GSTA2: variants seen among roughly 807,000 people sequenced by gnomAD.
GSTA2 encodes the protein glutathione S-transferase A2.
Under a neutral mutation model 22.4 loss-of-function variants are expected in GSTA2, and 27 were observed. The observed-to-expected ratio is 1.21, with a 90% CI of 0.89 to 1.67. The LOEUF is 1.67. Ranked by LOEUF, GSTA2 falls within the 40% of genes most tolerant of loss-of-function variation. The pLI is 0.00. For synonymous variants in GSTA2, 121 were observed against 86.8 expected, an observed-to-expected ratio of 1.39 and a Z score of -2.19; for missense variants, 302 against 260.2, an observed-to-expected ratio of 1.16 and a Z score of -1.11.
intron 6 of GSTA2, among the ~76,000 whole-genome samples, chr6:52,751,222 C>T (rs941072751): frequency 6.6e-6 from 1 of 152,096 alleles, no homozygotes; most frequent in Non-Finnish European, 1.5e-5. Flanking sequence ...ATGGAAAGGG[C>T]TCTGCTCAGA....
chr6:52,750,507 T>C lies in GSTA2; in HGVS notation c.*70A>G. The C allele has an allele frequency of 1.3e-6, 2 of 1,485,464 alleles. No homozygotes were observed. The highest frequency in any genetic ancestry group is 1.9e-6 in the Non-Finnish European group (2 of 1,072,548). The allele number at this position is 1,485,464 out of a possible 1,614,324, so 92.0% of individuals were successfully genotyped here. A position where few individuals can be genotyped will look rare whatever the true frequency, so the allele number is the denominator to read the frequency against. Reference sequence around the variant, plus strand: ...ACAACAGGCACAATCAACACTTAGGTAAAGCACTTAATTGTTGCAAAACTT... The same window carrying C: ...ACAACAGGCACAATCAACACTTAGGCAAAGCACTTAATTGTTGCAAAACTT... On this transcript the variant is annotated 3_prime_UTR_variant, in exon 7 of 7. Coordinates refer to ENST00000493422, the MANE Select transcript of GSTA2 (RefSeq NM_000846.5).
At chr6:52,759,950 A>T (rs868079020) in intron 1 of GSTA2, among the ~76,000 whole-genome samples, 1 of 152,198 alleles carries the variant, frequency 6.6e-6, no homozygotes, top group Non-Finnish European at 1.5e-5. Context: ...TTAAATGTCT[A>T]CATTTTAAAA....
intron 1 of GSTA2, among the ~76,000 whole-genome samples, chr6:52,759,391 A>G (rs1762908346): frequency 1.3e-5 from 2 of 152,120 alleles, no homozygotes; most frequent in South Asian, 4.2e-4. Context: ...GAATGGAAAG[A>G]CACAGGACTC....
Position 52,752,983 on chromosome 6 carries a change from A to G in GSTA2, c.285T>C (p.Tyr95=), listed in dbSNP as rs1168289007. The change falls in exon 5 of 7, where the codon TAT becomes TAC. Residue 95 remains tyrosine (Y), a synonymous_variant. Transcript: ENST00000493422. ...CACCCAAATCTGCTATACCTTCTAT[A>G]TACATATCAATCCTGAAAGACAAAA... The part of the protein sequence containing the change: ...DIKEKALIDM[Y]IEGIADLGEM... 1 of 1,603,072 alleles carries G rather than the reference A, an allele frequency of 6.2e-7. No individual in the cohort carries two copies. Among genetic ancestry groups the G allele is most frequent in the South Asian group, 1.1e-5 (1 of 88,600 alleles).
intron 2 of GSTA2, 133 bp downstream of exon 2, chr6:52,757,728 T>C (rs1278172968): frequency 5.1e-6 from 4 of 780,746 alleles, no homozygotes; most frequent in Admixed American, 5.1e-5. Context: ...TCTGTTCATC[T>C]TTTTCTTAAT....
In GSTA2 at chr6:52,750,570, T is replaced by C. The variant is rs1762717008; in HGVS notation, c.*7A>G. 22 of 1,613,714 alleles carry C rather than the reference T, an allele frequency of 1.4e-5. No individual in the cohort carries two copies. Among genetic ancestry groups the C allele is most frequent in the Non-Finnish European group, 1.9e-5 (22 of 1,179,720 alleles). On this transcript the variant is annotated 3_prime_UTR_variant, in exon 7 of 7. Coordinates refer to ENST00000493422, the MANE Select transcript of GSTA2 (RefSeq NM_000846.5). ...CTTGCATGTTCTTGACCTCTATGGC[T>C]GGTTTATTAAAACCTGAAAATCTTC...
chr6:52,758,016 C>T (rs2254050), intron 1 of GSTA2, 39 bp from the exon 2 acceptor site: 797,004 of 1,181,892 alleles, frequency 0.67, 272,662 homozygotes, highest in African/African-American at 0.88. Context: ...ATAATTGAAA[C>T]GATAGAATCA....
At chr6:52,752,508 C>T (rs1762762690) in intron 5 of GSTA2, among the ~76,000 whole-genome samples, 1 of 152,184 alleles carries the variant, frequency 6.6e-6, no homozygotes, top group African/African-American at 2.4e-5. Context: ...TCATCATGCC[C>T]CTGTTCAAAG....
rs1290106780 is a variant in GSTA2, at chr6:52,757,853, G to C, written c.87+8C>G. ...ATCTGACTTAAGATGACCTAACTCA[G>C]AACCTACCTCTACTCCAGCTGCAGC... On this transcript the variant is annotated splice_region_variant and intron_variant, in intron 2 of 6. Coordinates refer to ENST00000493422, the MANE Select transcript of GSTA2 (RefSeq NM_000846.5). 2 of 1,610,920 alleles carry C rather than the reference G, an allele frequency of 1.2e-6. No individual in the cohort carries two copies. The highest frequency in any genetic ancestry group is 2.7e-5 in the African/African-American group (2 of 74,846).
intron 1 of GSTA2, among the ~76,000 whole-genome samples, chr6:52,758,326 T>C (rs1009822058): frequency 6.6e-6 from 1 of 152,218 alleles, no homozygotes; most frequent in Non-Finnish European, 1.5e-5. Flanking sequence ...CCTTCCTCAA[T>C]GCTAGTCCCT....
chr6:52,761,171 T>C (rs916400008), intron 1 of GSTA2, among the ~76,000 whole-genome samples: 1 of 152,182 alleles, frequency 6.6e-6, no homozygotes, highest in African/African-American at 2.4e-5. Flanking sequence ...TGAGATAATG[T>C]AGAAAAAAAT....
intron 1 of GSTA2, among the ~76,000 whole-genome samples, chr6:52,760,433 C>T (rs1246879209): frequency 6.6e-6 from 1 of 152,130 alleles, no homozygotes; most frequent in Non-Finnish European, 1.5e-5. Flanking sequence ...CAAGGATTTG[C>T]CATGGGTCAT....
At chr6:52,754,155 G>T (rs1762797601) in intron 4 of GSTA2, among the ~76,000 whole-genome samples, 1 of 152,094 alleles carries the variant, frequency 6.6e-6, no homozygotes, top group African/African-American at 2.4e-5. Context: ...TCCACTTTTT[G>T]AATTCTATGA....
At chr6:52,760,175 ATTG>A (rs1248921133) in intron 1 of GSTA2, among the ~76,000 whole-genome samples, 1 of 152,198 alleles carries the variant, frequency 6.6e-6, no homozygotes, top group African/African-American at 2.4e-5. Flanking sequence ...TGCTTGTTTA[ATTG>A]TTATGTACTA....
At chr6:52,751,521 A>G (rs1356023482) in intron 6 of GSTA2, 56 bp downstream of exon 6, 12 of 1,611,978 alleles carry the variant, frequency 7.4e-6, no homozygotes, top group Non-Finnish European at 1.0e-5. Flanking sequence ...CCCAGATACA[A>G]GATCCCAAGA....
chr6:52,755,594 A>G (rs1309734102), intron 3 of GSTA2, among the ~76,000 whole-genome samples: 3 of 152,114 alleles, frequency 2.0e-5, no homozygotes, highest in Admixed American at 6.6e-5. Context: ...TATTTCATAT[A>G]TGTTTTTGTT....
intron 3 of GSTA2, 140 bp from the exon 4 acceptor site, chr6:52,755,215 C>CTTTTTT: frequency 8.5e-6 from 6 of 709,012 alleles, no homozygotes; most frequent in African/African-American, 2.0e-5. Flanking sequence ...CTTGAAACAA[C>CTTTTTT]TTTTTTTTTT....
chr6:52,762,203 C>A (rs1284154311), intron 1 of GSTA2, among the ~76,000 whole-genome samples: 2 of 152,126 alleles, frequency 1.3e-5, no homozygotes, highest in Non-Finnish European at 2.9e-5. Flanking sequence ...GAAATATGGC[C>A]TCGTGGGAAG....
chr6:52,760,196 C>A (rs1483944996), intron 1 of GSTA2, among the ~76,000 whole-genome samples: 1 of 152,196 alleles, frequency 6.6e-6, no homozygotes, highest in Non-Finnish European at 1.5e-5. Context: ...CTAGAGTTCA[C>A]AGTGTCATAA....
Sources: gnomAD v4.1 joint callset for allele counts (sites outside exome capture counted in the v4.1 genomes callset) on GRCh38, gnomAD v4.1.1 for gene constraint, MANE v1.5 for transcripts, NCBI Gene and HGNC (gene_info 2026-07-23, HGNC 2026-07-21) for gene names.